OXR1: variants seen among roughly 807,000 people sequenced by gnomAD.
OXR1 encodes the protein oxidation resistance protein 1.
In OXR1, 41 loss-of-function variants were observed where a neutral mutation model predicts 104.6. That is an observed-to-expected ratio of 0.39 (90% CI 0.31 to 0.51). OXR1 has a LOEUF of 0.51. Ranked by LOEUF, OXR1 falls within the 20% of genes least tolerant of loss-of-function variation. The pLI is 0.77. For missense variants in OXR1, 955 were observed against 1,031.9 expected (o/e 0.93, Z 1.02); for synonymous variants, 348 against 348.4 (o/e 1.00, Z 0.01).
At chr8:106,446,450 T>G (rs2130601995) in intron 2 of OXR1, among the ~76,000 whole-genome samples, 1 of 152,094 alleles carries the variant, frequency 6.6e-6, no homozygotes, top group Non-Finnish European at 1.5e-5. Context: ...AAACCCTTTC[T>G]CTACTAAAAA....
intron 2 of OXR1, among the ~76,000 whole-genome samples, chr8:106,457,960 G>A (rs1820691574): frequency 6.6e-6 from 1 of 152,140 alleles, no homozygotes; most frequent in Non-Finnish European, 1.5e-5. Flanking sequence ...TAAAATGCGA[G>A]TGGAGAGAAA....
At chr8:106,730,051 A>G (rs1833734891) in intron 11 of OXR1, among the ~76,000 whole-genome samples, 1 of 151,836 alleles carries the variant, frequency 6.6e-6, no homozygotes, top group South Asian at 2.1e-4. Context: ...TTGTTTTATT[A>G]TCCCCCTAAC....
intron 2 of OXR1, among the ~76,000 whole-genome samples, chr8:106,476,478 TG>T (rs1821816411): frequency 6.6e-6 from 1 of 151,976 alleles, no homozygotes; most frequent in Non-Finnish European, 1.5e-5. Flanking sequence ...AAGGCAGTCC[TG>T]ATTATAAACC....
In OXR1 at chr8:106,395,236, G is replaced by A. The variant is rs547372626; in HGVS notation, c.23+35600G>A. 2.2e-4 allele frequency among the ~76,000 whole-genome samples: 34 copies of A among 152,178 alleles called. No individual in the cohort carries two copies. In the South Asian group the frequency reaches 5.8e-3, roughly 26 times the overall value. On this transcript the variant is annotated intron_variant, in intron 2 of 16. Coordinates refer to ENST00000517566, the MANE Select transcript of OXR1 (RefSeq NM_001198533.2). The stretch of plus-strand genomic sequence containing the variant: ...GATAAAAGCTAAAATAAGCAAAGGG[G>A]GCAGTCTAGAATGAATCCTGTGGTG...
intron 1 of OXR1, among the ~76,000 whole-genome samples, chr8:106,285,045 G>T (rs1812440213): frequency 6.6e-6 from 1 of 152,072 alleles, no homozygotes; most frequent in Admixed American, 6.6e-5. Flanking sequence ...GTATACATGT[G>T]CCATGTTGGT....
intron 2 of OXR1, among the ~76,000 whole-genome samples, chr8:106,382,273 G>A (rs1817179238): frequency 1.3e-5 from 2 of 151,888 alleles, no homozygotes; most frequent in South Asian, 4.2e-4. Context: ...GAATCTTTCT[G>A]TTAGTTTGGA....
At chr8:106,371,142 G>T (rs567538882) in intron 2 of OXR1, among the ~76,000 whole-genome samples, 2 of 151,924 alleles carry the variant, frequency 1.3e-5, no homozygotes, top group African/African-American at 4.8e-5. Flanking sequence ...GCATGTATGC[G>T]TCCAGGAATT....
chr8:106,323,643 G>T (rs1207008168), intron 1 of OXR1, among the ~76,000 whole-genome samples: 1 of 151,908 alleles, frequency 6.6e-6, no homozygotes, highest in Non-Finnish European at 1.5e-5. Flanking sequence ...GCATTTATAA[G>T]GAACTTAAAT....
chr8:106,449,507 C>T (rs1820197535), intron 2 of OXR1, among the ~76,000 whole-genome samples: 1 of 152,148 alleles, frequency 6.6e-6, no homozygotes, highest in South Asian at 2.1e-4. Flanking sequence ...ATCATCACAA[C>T]CACTCCTGCA....
In OXR1 at chr8:106,301,906, A is replaced by G. The variant is rs541289475; in HGVS notation, c.-139+31539A>G. Reference sequence around the variant, plus strand: ...ATAAAAACCCTTTTAGGAATGAGAAATAAAATGTAGTCTTGACCATCTTTT... The same window carrying G: ...ATAAAAACCCTTTTAGGAATGAGAAGTAAAATGTAGTCTTGACCATCTTTT... On this transcript the variant is annotated intron_variant, in intron 1 of 16. Coordinates refer to ENST00000517566, the MANE Select transcript of OXR1 (RefSeq NM_001198533.2). Among the ~76,000 whole-genome samples, 45 of 152,342 alleles carry G rather than the reference A, an allele frequency of 3.0e-4. No homozygotes were observed. In the South Asian group the frequency reaches 8.9e-3, roughly 30 times the overall value.
chr8:106,274,912 A>G (rs1811974077), intron 1 of OXR1, among the ~76,000 whole-genome samples: 1 of 152,252 alleles, frequency 6.6e-6, no homozygotes, highest in Non-Finnish European at 1.5e-5. Context: ...GTGAAAACCC[A>G]ATAAATATGG....
chr8:106,270,338 TCA>T lies in OXR1; in HGVS notation c.-166_-165del, dbSNP rs891171074. ...TCGCCGCCGCGGGGCCCGCCGCCGC[TCA>T]CCGCAGCCCCCTCCTGGCGACCCGC... On this transcript the variant is annotated 5_prime_UTR_variant, in exon 1 of 17. Transcript: ENST00000517566. 2 of 152,566 alleles carry T rather than the reference TCA, an allele frequency of 1.3e-5. No homozygotes were observed. Among genetic ancestry groups the T allele is most frequent in the African/African-American group, 2.4e-5 (1 of 41,418 alleles). The allele number at this position is 152,566 out of a possible 1,614,324, so 9.5% of individuals were successfully genotyped here. A position where few individuals can be genotyped will look rare whatever the true frequency, so the allele number is the denominator to read the frequency against.
intron 2 of OXR1, among the ~76,000 whole-genome samples, chr8:106,480,892 T>C (rs1364669339): frequency 6.6e-6 from 1 of 152,022 alleles, no homozygotes; most frequent in African/African-American, 2.4e-5. Context: ...AGGAAGAGAA[T>C]GATTGAATAC....
chr8:106,462,735 T>C (rs1036666194), intron 2 of OXR1, among the ~76,000 whole-genome samples: 10 of 152,094 alleles, frequency 6.6e-5, no homozygotes, highest in Non-Finnish European at 1.2e-4. Context: ...TTGGTTCTGA[T>C]AGTTGCTAAT....
At chr8:106,708,544 G>A (rs1423953869) in intron 9 of OXR1, among the ~76,000 whole-genome samples, 1 of 152,100 alleles carries the variant, frequency 6.6e-6, no homozygotes, top group Non-Finnish European at 1.5e-5. Context: ...ATCCATTGAT[G>A]TTTGGCTTAT....
chr8:106,360,695 A>T (rs1816206338), intron 2 of OXR1, among the ~76,000 whole-genome samples: 1 of 152,150 alleles, frequency 6.6e-6, no homozygotes, highest in Non-Finnish European at 1.5e-5. Flanking sequence ...TTAAACTTTG[A>T]ATTATTACTG....
intron 11 of OXR1, among the ~76,000 whole-genome samples, chr8:106,728,217 G>GAAAAAAAAAAAAAAAAAAAA (rs1164061309): frequency 1.2e-5 from 1 of 85,796 alleles, no homozygotes; most frequent in South Asian, 4.3e-4. Flanking sequence ...TTCTAAACTG[G>GAAAAAAAAAAAAAAAAAAAA]AAAAAAAAAA....
intron 2 of OXR1, among the ~76,000 whole-genome samples, chr8:106,394,095 T>C (rs1027755586): frequency 2.0e-5 from 3 of 152,032 alleles, no homozygotes; most frequent in African/African-American, 7.2e-5. Context: ...TACTATCCAC[T>C]CAGTGATTAA....
At chr8:106,489,186 A>G (rs1366261052) in intron 2 of OXR1, among the ~76,000 whole-genome samples, 2 of 150,918 alleles carry the variant, frequency 1.3e-5, no homozygotes, top group Admixed American at 6.6e-5. Context: ...CTTTGAAGCA[A>G]TTGTGAATGG....
Sources: gnomAD v4.1 joint callset for allele counts (sites outside exome capture counted in the v4.1 genomes callset) on GRCh38, gnomAD v4.1.1 for gene constraint, MANE v1.5 for transcripts, NCBI Gene and HGNC (gene_info 2026-07-23, HGNC 2026-07-21) for gene names.